PDE1A: variants seen among roughly 807,000 people sequenced by gnomAD.
PDE1A encodes the protein phosphodiesterase 1A, also known as dual specificity calcium/calmodulin-dependent 3',5'-cyclic nucleotide phosphodiesterase 1A.
In PDE1A, 35 loss-of-function variants were observed where a neutral mutation model predicts 61.7. The observed-to-expected ratio is 0.57, with a 90% CI of 0.43 to 0.75. The LOEUF is 0.75. Ranked by LOEUF, PDE1A falls within the 30% of genes least tolerant of loss-of-function variation. The pLI, the probability that PDE1A is intolerant of heterozygous loss-of-function variation, is 0.00. For synonymous variants in PDE1A, 232 were observed against 213.2 expected, an observed-to-expected ratio of 1.09 and a Z score of -0.77; for missense variants, 597 against 630.6, an observed-to-expected ratio of 0.95 and a Z score of 0.57.
At chr2:182,602,317 C>T in the PDE1A span, among the ~76,000 whole-genome samples, 31 of 152,220 alleles carry the variant, frequency 2.0e-4, no homozygotes, top group Non-Finnish European at 5.9e-5. Flanking sequence ...GAAGCCCCAG[C>T]CATGTCTCTC....
intron 1 of PDE1A, among the ~76,000 whole-genome samples, chr2:182,348,549 C>G (rs1698662949): frequency 6.6e-6 from 1 of 152,094 alleles, no homozygotes; most frequent in South Asian, 2.1e-4. Context: ...CGCACATGTT[C>G]CAGCTATTTC....
intron 2 of PDE1A, among the ~76,000 whole-genome samples, chr2:182,521,812 T>G (rs1020031300): frequency 8.5e-5 from 13 of 152,112 alleles, no homozygotes; most frequent in African/African-American, 3.1e-4. Context: ...GAAATATCAT[T>G]TAAGCAAAAA....
chr2:182,240,415 T>C, intron 2 of PDE1A, 123 bp from the exon 3 acceptor site: 2 of 563,906 alleles, frequency 3.5e-6, no homozygotes, highest in Non-Finnish European at 5.7e-6. Context: ...TTCCTTAATA[T>C]GTACTCTCTA....
chr2:182,352,154 G>C (rs994631712), intron 1 of PDE1A, among the ~76,000 whole-genome samples: 4 of 152,190 alleles, frequency 2.6e-5, no homozygotes, highest in Admixed American at 2.6e-4. Flanking sequence ...GCCACCTTGA[G>C]GGATGAGGTA....
intron 3 of PDE1A, among the ~76,000 whole-genome samples, chr2:182,238,084 C>T (rs190282742): frequency 7.9e-5 from 12 of 151,724 alleles, no homozygotes; most frequent in African/African-American, 2.2e-4. Flanking sequence ...CTGGCTAACA[C>T]GCTGAAACCC....
intron 1 of PDE1A, among the ~76,000 whole-genome samples, chr2:182,380,163 T>G (rs908789108): frequency 7.3e-6 from 1 of 136,324 alleles, no homozygotes; most frequent in Admixed American, 8.4e-5. Flanking sequence ...CAGGCTGGAG[T>G]GCAGTGGCAC....
exon 15 of PDE1A, chr2:182,140,925 A>G (rs1383831532): frequency 1.3e-5 from 2 of 152,188 alleles, no homozygotes; most frequent in Non-Finnish European, 2.9e-5. Context: ...TAGCATGACA[A>G]TACTTCTGAA....
intron 1 of PDE1A, among the ~76,000 whole-genome samples, chr2:182,291,843 A>T (rs943978274): frequency 6.6e-6 from 1 of 152,172 alleles, no homozygotes; most frequent in African/African-American, 2.4e-5. Context: ...AAATTCTGAC[A>T]TTCAAAGAAA....
chr2:182,246,394 C>CTTT (rs772600912), intron 2 of PDE1A, among the ~76,000 whole-genome samples: 1 of 105,366 alleles, frequency 9.5e-6, no homozygotes. Flanking sequence ...AGTCTTTTTT[C>CTTT]TTTTTTCTTT....
chr2:182,197,934 T>C (rs1686273016), intron 10 of PDE1A, among the ~76,000 whole-genome samples: 1 of 151,952 alleles, frequency 6.6e-6, no homozygotes, highest in African/African-American at 2.4e-5. Flanking sequence ...TTTCAACTTC[T>C]ACAAATAAGC....
chr2:182,659,675 A>G, the PDE1A span, among the ~76,000 whole-genome samples: 2 of 152,198 alleles, frequency 1.3e-5, no homozygotes, highest in African/African-American at 4.8e-5. Context: ...AGTTCTACCC[A>G]ATTCTACCTG....
chr2:182,446,546 G>T (rs1028941387), intron 2 of PDE1A, among the ~76,000 whole-genome samples: 1 of 152,114 alleles, frequency 6.6e-6, no homozygotes, highest in African/African-American at 2.4e-5. Context: ...TTTAAGAACT[G>T]AGGACAGATA....
rs375931296 is a variant in PDE1A, at chr2:182,229,709, T to G, written c.675+297A>C. The stretch of plus-strand genomic sequence containing the variant: ...CTAAAGACTTTTTCTCTAGGTCACT[T>G]TTTTTGGTTGACTCCTGCAGAATAA... On this transcript the variant is annotated intron_variant, in intron 6 of 13. Transcript: ENST00000351439. Among the ~76,000 whole-genome samples the G allele has an allele frequency of 4.6e-5, 7 of 152,172 alleles. 1 individual carries two copies. The highest frequency in any genetic ancestry group is 2.0e-4 in the Admixed American group (3 of 15,262).
chr2:182,259,654 C>T (rs897326417), intron 2 of PDE1A, among the ~76,000 whole-genome samples: 1 of 152,178 alleles, frequency 6.6e-6, no homozygotes, highest in Non-Finnish European at 1.5e-5. Flanking sequence ...ACAACCTACT[C>T]TTTCTGAATC....
intron 7 of PDE1A, among the ~76,000 whole-genome samples, chr2:182,219,226 T>C (rs1333387250): frequency 2.6e-5 from 4 of 152,142 alleles, no homozygotes; most frequent in African/African-American, 9.7e-5. Flanking sequence ...AAGATTTTAT[T>C]TTTAAAATGA....
chr2:182,559,506 C>T, the PDE1A span, among the ~76,000 whole-genome samples: 1 of 152,056 alleles, frequency 6.6e-6, no homozygotes, highest in Non-Finnish European at 1.5e-5. Flanking sequence ...ATAGAGCAAC[C>T]AGAATTCTCT....
the PDE1A span, among the ~76,000 whole-genome samples, chr2:182,674,673 G>A: frequency 3.3e-5 from 5 of 151,874 alleles, no homozygotes; most frequent in African/African-American, 4.8e-5. Context: ...ATCATAGTGA[G>A]GCAGAAGACA....
chr2:182,667,700 G>A, the PDE1A span, among the ~76,000 whole-genome samples: 1 of 152,196 alleles, frequency 6.6e-6, no homozygotes, highest in Non-Finnish European at 1.5e-5. Flanking sequence ...TAGGCTTTGT[G>A]AGTCAACAGT....
the PDE1A span, among the ~76,000 whole-genome samples, chr2:182,531,109 A>T: frequency 5.3e-5 from 8 of 152,076 alleles, no homozygotes; most frequent in African/African-American, 1.7e-4. Context: ...AGGAACTATC[A>T]AAAATAGCTA....
Sources: gnomAD v4.1 joint callset for allele counts (sites outside exome capture counted in the v4.1 genomes callset) on GRCh38, gnomAD v4.1.1 for gene constraint, MANE v1.5 for transcripts, NCBI Gene and HGNC (gene_info 2026-07-23, HGNC 2026-07-21) for gene names.